The following HAND1 variants were observed in gnomAD, a reference collection of about 807,000 sequenced individuals.
The protein encoded by HAND1 is heart and neural crest derivatives expressed 1, also known as heart- and neural crest derivatives-expressed protein 1.
HAND1 carries 10 observed loss-of-function variants against 14.5 expected under a neutral mutation model. That is an observed-to-expected ratio of 0.69 (90% CI 0.42 to 1.17). HAND1 has a LOEUF of 1.17. HAND1 is among the 50% of genes most tolerant of loss of function. The pLI, the probability that HAND1 is intolerant of heterozygous loss-of-function variation, is 0.00. For synonymous variants in HAND1, 128 were observed against 127.1 expected (o/e 1.01, Z -0.05); for missense variants, 299 against 298.4 (o/e 1.00, Z -0.01).
chr5:154,475,940 C>T, intron 1 of HAND1, 30 bp from the exon 2 acceptor site: 3 of 1,562,974 alleles, frequency 1.9e-6, no homozygotes, highest in East Asian at 2.2e-5. Context: ...AGAAAAGAGG[C>T]GGGAGAGACA....
chr5:154,476,729 A>G (rs1757548187), intron 1 of HAND1, among the ~76,000 whole-genome samples: 3 of 152,174 alleles, frequency 2.0e-5, no homozygotes. Flanking sequence ...CTGAAAACCC[A>G]GCGCTCAGAA....
chr5:154,477,356 C>G, intron 1 of HAND1, 110 bp downstream of exon 1: 1 of 890,148 alleles, frequency 1.1e-6, no homozygotes, highest in Non-Finnish European at 1.9e-6. Flanking sequence ...TCTTCCCAAC[C>G]TTTCCAAATC....
chr5:154,476,326 C>T (rs1336329069), intron 1 of HAND1, among the ~76,000 whole-genome samples: 1 of 152,186 alleles, frequency 6.6e-6, no homozygotes, highest in Non-Finnish European at 1.5e-5. Context: ...GGCTTGGATG[C>T]AGGCTTGGGG....
intron 1 of HAND1, 113 bp downstream of exon 1, chr5:154,477,353 A>C: frequency 1.2e-6 from 1 of 868,874 alleles, no homozygotes; most frequent in Non-Finnish European, 1.9e-6. Context: ...AACTCTTCCC[A>C]ACCTTTCCAA....
At chr5:154,477,396 T>A in intron 1 of HAND1, 70 bp downstream of exon 1, 1 of 1,217,794 alleles carries the variant, frequency 8.2e-7, no homozygotes, top group East Asian at 2.3e-5. Flanking sequence ...CTCCTTCGAC[T>A]ACCTGCATGG....
At position 154,478,066 on chromosome 5, in the gene HAND1, A is replaced by G. The variant is rs1757579165; in HGVS notation, c.-58T>C. ...CTATTAACGCCGCTCCATGCGCCCCAGAGACTGCCGGGGGCCACCTGTGGG... is the reference window on the plus strand; with the variant it reads ...CTATTAACGCCGCTCCATGCGCCCCGGAGACTGCCGGGGGCCACCTGTGGG... On this transcript the variant is annotated 5_prime_UTR_variant, in exon 1 of 2. Coordinates refer to ENST00000231121, the MANE Select transcript of HAND1 (RefSeq NM_004821.3). This position sits in a 1 kb window ranked among gnomAD's most constrained non-coding sequence, Gnocchi z 4.5. 6.3e-7 allele frequency: 1 copy of G among 1,588,196 alleles called. No homozygotes were observed. Among genetic ancestry groups the G allele is most frequent in the Non-Finnish European group, 8.5e-7 (1 of 1,173,162 alleles).
chr5:154,477,804 C>A lies in HAND1; in HGVS notation c.205G>T (p.Ala69Ser), dbSNP rs1282472466. The A allele has an allele frequency of 6.3e-7, 1 of 1,584,812 alleles. No homozygotes were observed. The highest frequency in any genetic ancestry group is 1.4e-5 in the African/African-American group (1 of 74,008). ...GGPPPAAAAA[A>S]TAYGPDARPG... ...CTGGCGTCAGGACCATAGGCGGTGG[C>A]GGCTGCAGCGGCCGCGGGCGGCGGC... Residue 69 changes from alanine (A) to serine (S), a missense_variant, in exon 1 of 2, where the codon GCC becomes TCC. Physicochemically the swap from Ala to Ser is moderately conservative, Grantham distance 99 (BLOSUM62 1). Coordinates refer to ENST00000231121, the MANE Select transcript of HAND1 (RefSeq NM_004821.3).
chr5:154,475,743 T>C lies in HAND1; in HGVS notation c.*63A>G, dbSNP rs1757530543. 2 of 1,214,960 alleles carry C rather than the reference T, an allele frequency of 1.6e-6. No individual in the cohort carries two copies. The highest frequency in any genetic ancestry group is 3.4e-5 in the Admixed American group (2 of 59,024). 75.3% of individuals were successfully genotyped at this position (1,214,960 alleles called of 1,614,324 possible). A position where few individuals can be genotyped will look rare whatever the true frequency, so the allele number is the denominator to read the frequency against. On this transcript the variant is annotated 3_prime_UTR_variant, in exon 2 of 2. Coordinates refer to ENST00000231121, the MANE Select transcript of HAND1 (RefSeq NM_004821.3). ...CCAGAGCCTGGCGTTCGCCGCTGCCTTCCTCTCCTCCCGGGGCTTCAGGAG... is the reference window on the plus strand; with the variant it reads ...CCAGAGCCTGGCGTTCGCCGCTGCCCTCCTCTCCTCCCGGGGCTTCAGGAG...
chr5:154,475,670 G>A lies in HAND1; in HGVS notation c.*136C>T. 1.4e-6 allele frequency: 1 copy of A among 695,334 alleles called. No homozygotes were observed. 43.1% of individuals were successfully genotyped at this position (695,334 alleles called of 1,614,324 possible). A position where few individuals can be genotyped will look rare whatever the true frequency, so the allele number is the denominator to read the frequency against. On this transcript the variant is annotated 3_prime_UTR_variant, in exon 2 of 2. Transcript: ENST00000231121. ...GTGTGGTTGCAGCCGACGACCTGCC[G>A]GCGCTCAGCAGAAGCTCCGCGGGAT...
At position 154,475,263 on chromosome 5, in the gene HAND1, A is replaced by T. The variant is rs2113300055; in HGVS notation, c.*543T>A. 6.5e-6 allele frequency: 1 copy of T among 154,390 alleles called. No individual in the cohort carries two copies. Among genetic ancestry groups the T allele is most frequent in the East Asian group, 1.9e-4 (1 of 5,222 alleles). 9.6% of individuals were successfully genotyped at this position (154,390 alleles called of 1,614,324 possible). A position where few individuals can be genotyped will look rare whatever the true frequency, so the allele number is the denominator to read the frequency against. On this transcript the variant is annotated 3_prime_UTR_variant, in exon 2 of 2. Transcript: ENST00000231121. ...GGAACTAAACAGGAAGTGCAGCGAC[A>T]AAAAGAAAAATAAAATAAAACCACC...
At position 154,477,497 on chromosome 5, in the gene HAND1, C is replaced by T. The variant is rs201984942; in HGVS notation, c.512G>A (p.Gly171Asp). 1.2e-6 allele frequency: 2 copies of T among 1,614,160 alleles called. No homozygotes were observed. Among genetic ancestry groups the T allele is most frequent in the East Asian group, 2.2e-5 (1 of 44,872 alleles). ...AFKAELKKAD[G>D]GRESKRKREL... ...CCTTTTCCGCTTGCTCTCACGGCCG[C>T]CATCCGCCTTCTTGAGTTCAGCCTT... Residue 171 changes from glycine (G) to aspartate (D), a missense_variant, in exon 1 of 2, where the codon GGC becomes GAC. Gly to Asp is a moderately conservative substitution (Grantham distance 94). Transcript: ENST00000231121.
chr5:154,476,237 G>A (rs962990695), intron 1 of HAND1, among the ~76,000 whole-genome samples: 3 of 152,052 alleles, frequency 2.0e-5, no homozygotes, highest in Non-Finnish European at 2.9e-5. Context: ...TGGAAGGGAG[G>A]GGTGGAAATC....
At chr5:154,476,811 A>G (rs1757549557) in intron 1 of HAND1, among the ~76,000 whole-genome samples, 1 of 152,228 alleles carries the variant, frequency 6.6e-6, no homozygotes, top group Non-Finnish European at 1.5e-5. Flanking sequence ...AAGAAGGCCA[A>G]GACGAGACTG....
chr5:154,477,180 A>C (rs1399310202), intron 1 of HAND1, among the ~76,000 whole-genome samples: 3 of 152,184 alleles, frequency 2.0e-5, no homozygotes, highest in Non-Finnish European at 4.4e-5. Context: ...GACTTCTCCA[A>C]ATTGGAAGCA....
rs543558257 is a variant in HAND1 at position 154,477,345 on chromosome 5, C to G, written c.543+121G>C. On this transcript the variant is annotated intron_variant, in intron 1 of 1. Transcript: ENST00000231121. ...CACGCTGTGACCAACCATCTCAGAA[C>G]TCTTCCCAACCTTTCCAAATCGGAC... 4.1e-4 allele frequency: 332 copies of G among 813,930 alleles called. 3 individuals carry two copies. In the South Asian group the frequency reaches 4.4e-3, roughly 11 times the overall value. 50.4% of individuals were successfully genotyped at this position (813,930 alleles called of 1,614,324 possible). A position where few individuals can be genotyped will look rare whatever the true frequency, so the allele number is the denominator to read the frequency against.
chr5:154,476,382 C>A (rs769593540), intron 1 of HAND1, among the ~76,000 whole-genome samples: 18 of 152,118 alleles, frequency 1.2e-4, no homozygotes, highest in Non-Finnish European at 2.6e-4. Flanking sequence ...GGTAAAAGAG[C>A]GGGGAGTCGA....
chr5:154,477,981 G>C lies in HAND1; in HGVS notation c.28C>G (p.His10Asp). 1 of 1,598,178 alleles carries C rather than the reference G, an allele frequency of 6.3e-7. No individual in the cohort carries two copies. The highest frequency in any genetic ancestry group is 8.5e-7 in the Non-Finnish European group (1 of 1,179,888). MNLVGSYAH[H>D]HHHHHPHPAH... The stretch of plus-strand genomic sequence containing the variant: ...GGGTGCGGGTGGTGATGGTGGTGAT[G>C]GTGTGCGTAGCTGCCCACGAGGTTC... The change falls in exon 1 of 2, where the codon CAT becomes GAT. Residue 10 changes from histidine to aspartate, a missense_variant. Coordinates refer to ENST00000231121, the MANE Select transcript of HAND1 (RefSeq NM_004821.3).
At chr5:154,476,528 C>T (rs1582056203) in intron 1 of HAND1, among the ~76,000 whole-genome samples, 1 of 152,266 alleles carries the variant, frequency 6.6e-6, no homozygotes, top group East Asian at 1.9e-4. Flanking sequence ...AAGAAGCCGG[C>T]CTGCACCATC....
At position 154,477,764 on chromosome 5, in the gene HAND1, G is replaced by A. The variant is rs772538065; in HGVS notation, c.245C>T (p.Pro82Leu). 44 of 1,608,510 alleles carry A rather than the reference G, an allele frequency of 2.7e-5. No individual in the cohort carries two copies. Among genetic ancestry groups the A allele is most frequent in the Non-Finnish European group, 3.6e-5 (42 of 1,178,912 alleles). Reference protein sequence around the residue: ...YGPDARPGQSPGRLEALGGRL... With the variant: ...YGPDARPGQSLGRLEALGGRL... ...GCCGCCAAGCGCCTCCAGCCGCCCGGGGCTCTGCCCAGGCCTGGCGTCAGG... is the reference window on the plus strand; with the variant it reads ...GCCGCCAAGCGCCTCCAGCCGCCCGAGGCTCTGCCCAGGCCTGGCGTCAGG... Residue 82 changes from proline to leucine, a missense_variant, in exon 1 of 2, where the codon CCC (proline) becomes CTC (leucine). Physicochemically the swap from Pro to Leu is moderately conservative, Grantham distance 98. Transcript: ENST00000231121.
Sources: gnomAD v4.1 joint callset for allele counts (sites outside exome capture counted in the v4.1 genomes callset) on GRCh38, gnomAD v4.1.1 for gene constraint, Gnocchi (gnomAD v3.1) non-coding constraint, MANE v1.5 for transcripts, NCBI Gene and HGNC (gene_info 2026-07-23, HGNC 2026-07-21) for gene names.